GKAP1: variants seen among roughly 807,000 people sequenced by gnomAD.
GKAP1 encodes G kinase-anchoring protein 1.
Under a neutral mutation model 56.7 loss-of-function variants are expected in GKAP1, and 31 were observed. The ratio of observed to expected loss-of-function variants is 0.55; its 90% CI spans 0.41 to 0.74. The LOEUF (loss-of-function observed/expected upper bound fraction) is 0.74, where lower values mean the gene tolerates loss of function less well. Ranked by LOEUF, GKAP1 falls within the 30% of genes least tolerant of loss-of-function variation. GKAP1 has a pLI of 0.00. For missense variants in GKAP1, 364 were observed against 402.3 expected (o/e 0.90, Z 0.82); for synonymous variants, 151 against 138.6 (o/e 1.09, Z -0.63).
At chr9:83,757,378 T>C (rs17086622) in intron 8 of GKAP1, among the ~76,000 whole-genome samples, 9,363 of 152,282 alleles carry the variant, frequency 0.061, 950 homozygotes, top group African/African-American at 0.21. Flanking sequence ...TGACGTATGA[T>C]AGGTTTTATA....
At chr9:83,793,005 T>A in intron 4 of GKAP1, 1 of 1,278,790 alleles carries the variant, frequency 7.8e-7, no homozygotes. Flanking sequence ...CCTCATTGCC[T>A]CCTACTCCCC....
At position 83,817,541 on chromosome 9, in the gene GKAP1, GCCCTCCTCT is replaced by G. The variant is rs1410787475; in HGVS notation, c.-209_-201del. On this transcript the variant is annotated 5_prime_UTR_variant, in exon 1 of 13. Coordinates refer to ENST00000376371, the MANE Select transcript of GKAP1 (RefSeq NM_025211.4). ...CCGGGCCTCCCGTGCCGCCGGCTCG[GCCCTCCTCT>G]CCCTCCTCCCCCCGCCGCCGCCTCT... is the stretch of plus-strand genomic sequence containing the variant. 3.3e-5 allele frequency: 5 copies of G among 151,744 alleles called. No individual in the cohort carries two copies. The highest frequency in any genetic ancestry group is 7.3e-5 in the Non-Finnish European group (5 of 68,028). 9.4% of individuals were successfully genotyped at this position (151,744 alleles called of 1,614,324 possible).
At chr9:83,802,476 C>T (rs1198813051) in intron 3 of GKAP1, among the ~76,000 whole-genome samples, 1 of 137,862 alleles carries the variant, frequency 7.3e-6, no homozygotes, top group Non-Finnish European at 1.5e-5. Flanking sequence ...AGGAAGACTC[C>T]ATCTCAGAAA....
chr9:83,810,624 A>C (rs1246306343), intron 2 of GKAP1, among the ~76,000 whole-genome samples: 2 of 152,212 alleles, frequency 1.3e-5, no homozygotes, highest in Non-Finnish European at 2.9e-5. Context: ...AGGGAGCACC[A>C]GCACAAGACC....
intron 4 of GKAP1, 85 bp downstream of exon 4, chr9:83,799,100 T>C (rs1587734228): frequency 8.9e-7 from 1 of 1,124,340 alleles, no homozygotes; most frequent in East Asian, 2.4e-5. Context: ...CTCAGAACAG[T>C]GGTGACGTGA....
intron 8 of GKAP1, 78 bp downstream of exon 8, chr9:83,768,740 T>C (rs560293767): frequency 5.8e-6 from 7 of 1,196,916 alleles, no homozygotes; most frequent in South Asian, 5.3e-5. Flanking sequence ...AATTTGATTC[T>C]ACTGCTTACT....
rs774181105 is a variant in GKAP1 at position 83,788,681 on chromosome 9, AC to A, written c.361-4del. ...GCTTCAAACATTTCAGATGTCAGCT[AC>A]AAAAAAAAAGTTTCACAATAAACAG... On this transcript the variant is annotated splice_region_variant and splice_polypyrimidine_tract_variant and intron_variant, in intron 4 of 12. Coordinates refer to ENST00000376371, the MANE Select transcript of GKAP1 (RefSeq NM_025211.4). 1.8e-5 allele frequency: 28 copies of A among 1,599,508 alleles called. No homozygotes were observed. Among genetic ancestry groups the A allele is most frequent in the Non-Finnish European group, 2.4e-5 (28 of 1,172,226 alleles).
intron 7 of GKAP1, among the ~76,000 whole-genome samples, chr9:83,770,123 C>T (rs573646752): frequency 9.2e-5 from 14 of 152,086 alleles, no homozygotes; most frequent in Non-Finnish European, 1.9e-4. Context: ...ATATGATTTA[C>T]AAACATTTAC....
At position 83,817,024 on chromosome 9, in the gene GKAP1, C is replaced by T. The variant is rs1187323751; in HGVS notation, c.-72G>A. On this transcript the variant is annotated 5_prime_UTR_variant, in exon 2 of 13. It adds an upstream start codon to the 5' untranslated region. Transcript: ENST00000376371. The stretch of plus-strand genomic sequence containing the variant: ...ATTCATGAATGAAAGCCAAATTTCA[C>T]CCATAGGCTGTTAACCGATGCTCCG... 2.0e-5 allele frequency: 3 copies of T among 152,156 alleles called. No individual in the cohort carries two copies. Among genetic ancestry groups the T allele is most frequent in the Non-Finnish European group, 1.5e-5 (1 of 68,018 alleles). 9.4% of individuals were successfully genotyped at this position (152,156 alleles called of 1,614,324 possible).
intron 5 of GKAP1, among the ~76,000 whole-genome samples, chr9:83,785,314 G>T (rs76240024): frequency 1.6e-4 from 25 of 151,764 alleles, no homozygotes; most frequent in Non-Finnish European, 1.6e-4. Context: ...TCTCAAAAGC[G>T]TAGCGGTTGT....
intron 11 of GKAP1, 34 bp from the exon 12 acceptor site, chr9:83,742,063 T>C (rs963973058): frequency 4.3e-6 from 6 of 1,393,804 alleles, no homozygotes; most frequent in Non-Finnish European, 5.0e-6. Flanking sequence ...AAAAGAATTT[T>C]TGGGGTTTTT....
intron 2 of GKAP1, among the ~76,000 whole-genome samples, chr9:83,807,581 A>T (rs915701395): frequency 2.0e-5 from 3 of 152,224 alleles, no homozygotes; most frequent in African/African-American, 7.2e-5. Context: ...ACTGACTCCT[A>T]TGCTTCTCTC....
In GKAP1 at chr9:83,799,168, T is replaced by G. The variant is rs770924928; in HGVS notation, c.360+17A>C. On this transcript the variant is annotated intron_variant, in intron 4 of 12. Transcript: ENST00000376371. ...AATTCAATGAAAAACAAAGCAATTT[T>G]ATTTACTTAGTTGTACCTGCTCATC... 78 of 1,609,440 alleles carry G rather than the reference T, an allele frequency of 4.8e-5. No individual in the cohort carries two copies. Among genetic ancestry groups the G allele is most frequent in the Non-Finnish European group, 6.4e-5 (75 of 1,177,352 alleles).
rs1396526950 is a variant in GKAP1, at chr9:83,756,668, T to C, written c.739-3309A>G. 3.9e-5 allele frequency among the ~76,000 whole-genome samples: 6 copies of C among 152,194 alleles called. No individual in the cohort carries two copies. In the East Asian group the frequency reaches 9.7e-4, roughly 25 times the overall value. On this transcript the variant is annotated intron_variant, in intron 8 of 12. Coordinates refer to ENST00000376371, the MANE Select transcript of GKAP1 (RefSeq NM_025211.4). The stretch of plus-strand genomic sequence containing the variant: ...CTCTAGGTGAATGAGATTAGGGTCA[T>C]TTTTCTCCCACTACATCTGAAAACT...
At chr9:83,789,996 A>T (rs1944127697) in intron 4 of GKAP1, among the ~76,000 whole-genome samples, 1 of 152,234 alleles carries the variant, frequency 6.6e-6, no homozygotes, top group Non-Finnish European at 1.5e-5. Context: ...ACTAAAATAG[A>T]AACCAACTCC....
intron 4 of GKAP1, 197 bp from the exon 5 acceptor site, chr9:83,788,875 T>C (rs1944109307): frequency 7.9e-6 from 3 of 378,508 alleles, no homozygotes; most frequent in Non-Finnish European, 1.4e-5. Context: ...ACTTCCAATT[T>C]TGAGATTTCC....
chr9:83,759,106 T>C (rs906219702), intron 8 of GKAP1, among the ~76,000 whole-genome samples: 1 of 152,238 alleles, frequency 6.6e-6, no homozygotes, highest in Non-Finnish European at 1.5e-5. Flanking sequence ...ATTTGAACAT[T>C]ACCAATACCT....
intron 3 of GKAP1, among the ~76,000 whole-genome samples, chr9:83,805,893 G>A (rs1047784347): frequency 3.6e-4 from 55 of 152,320 alleles, no homozygotes; most frequent in African/African-American, 1.2e-3. Flanking sequence ...GAGGCAAGCA[G>A]ATTGCTTGAG....
At chr9:83,814,989 T>C (rs1418045221) in intron 2 of GKAP1, among the ~76,000 whole-genome samples, 8 of 151,716 alleles carry the variant, frequency 5.3e-5, no homozygotes, top group Non-Finnish European at 1.2e-4. Flanking sequence ...CTGGCCAACG[T>C]AGTGAAACCC....
Sources: gnomAD v4.1 joint callset for allele counts (sites outside exome capture counted in the v4.1 genomes callset) on GRCh38, gnomAD v4.1.1 for gene constraint, MANE v1.5 for transcripts, NCBI Gene and HGNC (gene_info 2026-07-23, HGNC 2026-07-21) for gene names.